SORBS2: variants seen among roughly 807,000 people sequenced by gnomAD.
The protein encoded by SORBS2 is sorbin and SH3 domain containing 2, also known as sorbin and SH3 domain-containing protein 2.
Under a neutral mutation model 97.7 loss-of-function variants are expected in SORBS2, and 46 were observed. That is an observed-to-expected ratio of 0.47 (90% CI 0.37 to 0.60). The LOEUF (loss-of-function observed/expected upper bound fraction) is 0.60, where lower values mean the gene tolerates loss of function less well. Among genes scored for constraint, SORBS2 ranks in the 20% least tolerant of loss-of-function variants. The pLI, the probability that SORBS2 is intolerant of heterozygous loss-of-function variation, is 0.00. For missense variants in SORBS2, 1,316 were observed against 1,282.3 expected, an observed-to-expected ratio of 1.03 and a Z score of -0.40; for synonymous variants, 476 against 473.4, an observed-to-expected ratio of 1.01 and a Z score of -0.07.
intron 4 of SORBS2, chr4:185,677,179 TA>T (rs1480852849): frequency 2.6e-6 from 4 of 1,551,704 alleles, no homozygotes; most frequent in Non-Finnish European, 3.5e-6. Context: ...GGCACTGGAT[TA>T]GGGGTCAGTG....
chr4:185,767,499 C>CAAAAAAAAA (rs70962594), intron 2 of SORBS2, among the ~76,000 whole-genome samples: 9 of 60,652 alleles, frequency 1.5e-4, no homozygotes, highest in East Asian at 7.1e-4. Flanking sequence ...GACTCTGTCT[C>CAAAAAAAAA]AAAAAAAAAA....
At chr4:185,740,781 C>G (rs903312035) in intron 2 of SORBS2, among the ~76,000 whole-genome samples, 9 of 150,730 alleles carry the variant, frequency 6.0e-5, no homozygotes, top group African/African-American at 1.9e-4. Context: ...AGCCCAGCAC[C>G]AACTCAGCCC....
At chr4:185,897,496 CT>C (rs1412042189) in intron 1 of SORBS2, among the ~76,000 whole-genome samples, 2 of 152,310 alleles carry the variant, frequency 1.3e-5, no homozygotes, top group East Asian at 3.9e-4. Flanking sequence ...ATCTTTGGGT[CT>C]TCAATCTGAA....
In SORBS2 at chr4:185,720,781, T is replaced by TC. The variant is rs1319310524; in HGVS notation, c.-197-41960_-197-41959insG. The stretch of plus-strand genomic sequence containing the variant: ...GATCATCTCAAAGAATGAATTGCAG[T>TC]TTTTTCACAGTGGAGGTACTGATAA... On this transcript the variant is annotated intron_variant, in intron 2 of 20. Coordinates refer to the SORBS2 transcript ENST00000284776. 2.0e-5 allele frequency among the ~76,000 whole-genome samples: 3 copies of TC among 152,290 alleles called. No individual in the cohort carries two copies. In the East Asian group the frequency reaches 5.8e-4, roughly 29 times the overall value.
intron 4 of SORBS2, among the ~76,000 whole-genome samples, chr4:185,662,479 T>C (rs1158749149): frequency 6.6e-6 from 1 of 152,180 alleles, no homozygotes; most frequent in African/African-American, 2.4e-5. Context: ...TTAGGAAGAA[T>C]GAAAGTGGCT....
chr4:185,911,358 G>A (rs534785608), intron 1 of SORBS2, among the ~76,000 whole-genome samples: 1 of 152,222 alleles, frequency 6.6e-6, no homozygotes, highest in South Asian at 2.1e-4. Context: ...CTCCTGAGTA[G>A]CTGGAGCTAC....
chr4:185,844,489 A>G (rs756819170), intron 1 of SORBS2, among the ~76,000 whole-genome samples: 4 of 152,204 alleles, frequency 2.6e-5, no homozygotes, highest in Non-Finnish European at 5.9e-5. Context: ...GGATGTGAAG[A>G]AACTTGAATA....
intron 13 of SORBS2, among the ~76,000 whole-genome samples, chr4:185,590,734 T>C (rs1169994116): frequency 1.3e-5 from 2 of 152,154 alleles, no homozygotes; most frequent in East Asian, 3.8e-4. Context: ...TTATAATAAA[T>C]AGTAACATGG....
chr4:185,887,674 C>T (rs1483777417), intron 1 of SORBS2, among the ~76,000 whole-genome samples: 1 of 152,172 alleles, frequency 6.6e-6, no homozygotes, highest in Non-Finnish European at 1.5e-5. Context: ...AAGCAGCAAA[C>T]TATAACCTAG....
rs1471804829 is a variant in SORBS2, at chr4:185,666,078, T to G, written c.-45-3836A>C. 17 of 1,289,592 alleles carry G rather than the reference T, an allele frequency of 1.3e-5. 1 individual carries two copies. Among genetic ancestry groups the G allele is most frequent in the Middle Eastern group, 2.1e-4 (1 of 4,714 alleles). 79.9% of individuals were successfully genotyped at this position (1,289,592 alleles called of 1,614,324 possible). A position where few individuals can be genotyped will look rare whatever the true frequency, so the allele number is the denominator to read the frequency against. On this transcript the variant is annotated intron_variant, in intron 4 of 20. Coordinates refer to the SORBS2 transcript ENST00000284776. ...ATGCTGAGCTGGTGCCACTGCCTGGTGAGAAAGTGGCTCGGTTCAAAGGTA... is the reference window on the plus strand; with the variant it reads ...ATGCTGAGCTGGTGCCACTGCCTGGGGAGAAAGTGGCTCGGTTCAAAGGTA...
intron 2 of SORBS2, among the ~76,000 whole-genome samples, chr4:185,719,159 C>T (rs1199574834): frequency 6.6e-6 from 1 of 152,042 alleles, no homozygotes; most frequent in Non-Finnish European, 1.5e-5. Context: ...TTAGAAACTA[C>T]TCTGGCAAAT....
intron 2 of SORBS2, among the ~76,000 whole-genome samples, chr4:185,698,885 C>T (rs2098218214): frequency 6.6e-6 from 1 of 151,828 alleles, no homozygotes; most frequent in South Asian, 2.1e-4. Flanking sequence ...TTCTGAAATC[C>T]TTAGAATTTT....
At chr4:185,919,311 G>A (rs1325639625) in intron 1 of SORBS2, 2 of 152,154 alleles carry the variant, frequency 1.3e-5, no homozygotes, top group Non-Finnish European at 2.9e-5. Flanking sequence ...TGTCATAGGA[G>A]GCGCTGCGGA....
At chr4:185,626,842 T>C in exon 6 of SORBS2, 1 of 1,614,178 alleles carries the variant, frequency 6.2e-7, no homozygotes, top group Admixed American at 1.7e-5. Context: ...CTTTTGCTCT[T>C]GATGGGGAAG....
intron 2 of SORBS2, among the ~76,000 whole-genome samples, chr4:185,748,807 G>A (rs1279392234): frequency 2.6e-5 from 4 of 152,158 alleles, no homozygotes; most frequent in Non-Finnish European, 4.4e-5. Flanking sequence ...TTTACATTTT[G>A]CCTTCGGCAA....
At chr4:185,814,185 T>C (rs2153668795) in intron 1 of SORBS2, among the ~76,000 whole-genome samples, 1 of 152,228 alleles carries the variant, frequency 6.6e-6, no homozygotes, top group Non-Finnish European at 1.5e-5. Context: ...GGCTTTTCTT[T>C]TCATTGTATC....
Position 185,752,427 on chromosome 4 carries a change from C to T in SORBS2, c.-198+22800G>A, listed in dbSNP as rs563104348. 3.3e-3 allele frequency among the ~76,000 whole-genome samples: 503 copies of T among 152,276 alleles called. 1 individual carries two copies. Among genetic ancestry groups the T allele is most frequent in the Non-Finnish European group, 6.1e-3 (418 of 68,018 alleles). ...AGTAGCTTGGACTACAGGCGCCCGC[C>T]ACCACACCCAGCTAATTTTTTGTAT... On this transcript the variant is annotated intron_variant, in intron 2 of 20. Coordinates refer to the SORBS2 transcript ENST00000284776.
chr4:185,676,977 G>C lies in SORBS2; in HGVS notation c.-46+1446C>G, dbSNP rs764402385. The C allele has an allele frequency of 2.6e-6, 4 of 1,546,366 alleles. No individual in the cohort carries two copies. In the South Asian group the frequency reaches 4.8e-5, roughly 18 times the overall value. ...CGATACGCATGTATTAATACGAAGA[G>C]ACTGAGAAGCTTAAGGTACCACTCT... is the stretch of plus-strand genomic sequence containing the variant. On this transcript the variant is annotated intron_variant, in intron 4 of 20. Coordinates refer to the SORBS2 transcript ENST00000284776.
At chr4:185,755,297 CT>C (rs1279492294) in intron 2 of SORBS2, among the ~76,000 whole-genome samples, 1 of 152,252 alleles carries the variant, frequency 6.6e-6, no homozygotes, top group African/African-American at 2.4e-5. Flanking sequence ...AGCCAATTCA[CT>C]GAAAAGAGTT....
Sources: allele counts gnomAD v4.1 joint callset (sites outside exome capture counted in the v4.1 genomes callset), GRCh38; gene constraint gnomAD v4.1.1; transcripts MANE v1.5; gene names NCBI Gene and HGNC (gene_info 2026-07-23, HGNC 2026-07-21).